TMEM117: variants seen among roughly 807,000 people sequenced by gnomAD.
TMEM117 encodes the protein transmembrane protein 117.
A neutral mutation model predicts 52.4 loss-of-function variants in TMEM117; 27 were observed. The observed-to-expected ratio is 0.51, with a 90% confidence interval of 0.38 to 0.71. The LOEUF (loss-of-function observed/expected upper bound fraction) is 0.71. Ranked by LOEUF, TMEM117 falls within the 30% of genes least tolerant of loss-of-function variation. The probability of loss-of-function intolerance (pLI) is 0.00; values close to 1 mark genes in which losing one functional copy is unlikely to be tolerated. For synonymous variants in TMEM117, 215 were observed against 206.3 expected, an observed-to-expected ratio of 1.04 and a Z score of -0.36; for missense variants, 556 against 630.5, an observed-to-expected ratio of 0.88 and a Z score of 1.26.
chr12:44,313,798 C>A (rs1016997969), intron 6 of TMEM117, among the ~76,000 whole-genome samples: 17 of 151,920 alleles, frequency 1.1e-4, no homozygotes, highest in African/African-American at 3.4e-4. Context: ...TTTTGTAGTT[C>A]TCCTTGTAGA....
At chr12:44,148,465 G>A (rs987702133) in intron 4 of TMEM117, among the ~76,000 whole-genome samples, 1 of 152,068 alleles carries the variant, frequency 6.6e-6, no homozygotes, top group Admixed American at 6.5e-5. Flanking sequence ...TAGAAAAAAG[G>A]TATTTTTTAG....
intron 3 of TMEM117, among the ~76,000 whole-genome samples, chr12:44,085,099 A>G (rs570497523): frequency 3.3e-5 from 5 of 152,334 alleles, no homozygotes; most frequent in African/African-American, 4.8e-5. Flanking sequence ...CACATTTGGC[A>G]TCATCCATGT....
chr12:43,831,441 T>C (rs1312019318), upstream of TMEM117, among the ~76,000 whole-genome samples: 1 of 152,072 alleles, frequency 6.6e-6, no homozygotes, highest in African/African-American at 2.4e-5. Context: ...AGCATTGATC[T>C]TGTCTTTTTC....
chr12:44,319,223 C>A (rs1223445402), intron 6 of TMEM117, among the ~76,000 whole-genome samples: 1 of 152,184 alleles, frequency 6.6e-6, no homozygotes, highest in Admixed American at 6.5e-5. Context: ...TTTGTATGCA[C>A]CTGGATTAAA....
At chr12:44,155,715 T>A (rs1565852238) in intron 4 of TMEM117, among the ~76,000 whole-genome samples, 1 of 152,082 alleles carries the variant, frequency 6.6e-6, no homozygotes, top group African/African-American at 2.4e-5. Flanking sequence ...GTGTTTCTTG[T>A]AAAGAAGCAT....
At chr12:44,143,811 G>A (rs1355352533) in intron 4 of TMEM117, among the ~76,000 whole-genome samples, 187 bp downstream of exon 4, 1 of 152,034 alleles carries the variant, frequency 6.6e-6, no homozygotes, top group Non-Finnish European at 1.5e-5. Flanking sequence ...AAAAATCAAT[G>A]CAATTAGAAT....
At chr12:43,941,204 G>T (rs551045077) in intron 2 of TMEM117, among the ~76,000 whole-genome samples, 1 of 152,152 alleles carries the variant, frequency 6.6e-6, no homozygotes, top group East Asian at 1.9e-4. Context: ...CATGTTTTTG[G>T]CCATGTCAGA....
chr12:43,984,807 A>G (rs911391965), intron 3 of TMEM117, among the ~76,000 whole-genome samples: 2 of 152,212 alleles, frequency 1.3e-5, no homozygotes, highest in African/African-American at 2.4e-5. Flanking sequence ...GTCTTCAGTC[A>G]TGCAAAATGG....
chr12:44,211,080 C>T (rs1052088961), intron 4 of TMEM117, among the ~76,000 whole-genome samples: 1 of 152,076 alleles, frequency 6.6e-6, no homozygotes, highest in African/African-American at 2.4e-5. Flanking sequence ...TGTTGAATGA[C>T]TTTAAATGTG....
At chr12:44,055,520 G>A (rs1444659965) in intron 3 of TMEM117, among the ~76,000 whole-genome samples, 1 of 152,122 alleles carries the variant, frequency 6.6e-6, no homozygotes. Flanking sequence ...GTGAATAAAA[G>A]CATGGACTGT....
intron 3 of TMEM117, among the ~76,000 whole-genome samples, chr12:44,047,119 A>G (rs1411423734): frequency 2.0e-5 from 3 of 151,566 alleles, no homozygotes; most frequent in East Asian, 1.9e-4. Flanking sequence ...TTTAGTGTAT[A>G]TATGTGTGTG....
intron 3 of TMEM117, among the ~76,000 whole-genome samples, chr12:43,996,050 G>A (rs765111114): frequency 2.6e-5 from 4 of 151,846 alleles, no homozygotes; most frequent in Non-Finnish European, 5.9e-5. Flanking sequence ...AACAAATATA[G>A]GTAATGTTAA....
At chr12:44,315,447 G>A (rs1422595222) in intron 6 of TMEM117, among the ~76,000 whole-genome samples, 2 of 152,142 alleles carry the variant, frequency 1.3e-5, no homozygotes, top group Non-Finnish European at 2.9e-5. Flanking sequence ...TTGCTATGTT[G>A]TGTTGACTGT....
chr12:44,243,384 A>G (rs1950088188), intron 5 of TMEM117, among the ~76,000 whole-genome samples: 1 of 151,950 alleles, frequency 6.6e-6, no homozygotes, highest in South Asian at 2.1e-4. Context: ...TTAGAAAGCT[A>G]TACCTGAGAG....
At chr12:43,839,190 T>G (rs1011904361) in intron 1 of TMEM117, among the ~76,000 whole-genome samples, 2 of 152,180 alleles carry the variant, frequency 1.3e-5, no homozygotes, top group Non-Finnish European at 2.9e-5. Context: ...GCTTCCTCAG[T>G]AGCTTCCCTG....
intron 3 of TMEM117, chr12:44,008,509 G>GT (rs1946237957): frequency 6.1e-6 from 1 of 164,898 alleles, no homozygotes; most frequent in African/African-American, 2.4e-5. Flanking sequence ...TTTCTGAAGC[G>GT]TAAGATCTAT....
rs1293650748 is a variant in TMEM117, at chr12:44,379,294, T to G, written c.898+2570T>G. Among the ~76,000 whole-genome samples, 3 of 151,960 alleles carry G rather than the reference T, an allele frequency of 2.0e-5. No homozygotes were observed. In the East Asian group the frequency reaches 5.8e-4, roughly 29 times the overall value. ...TTTCTTGAGCCCAGGAGGTCAAGGC[T>G]GCAGTGAGCCATGATGGCACCACTG... On this transcript the variant is annotated intron_variant, in intron 7 of 7. Coordinates refer to ENST00000266534, the MANE Select transcript of TMEM117 (RefSeq NM_032256.3).
At chr12:44,354,054 A>T (rs1951606758) in intron 6 of TMEM117, among the ~76,000 whole-genome samples, 1 of 152,074 alleles carries the variant, frequency 6.6e-6, no homozygotes, top group Non-Finnish European at 1.5e-5. Context: ...ATTCTCTTTG[A>T]AGCAATTGTG....
chr12:44,363,550 T>A (rs1340922272), intron 6 of TMEM117, among the ~76,000 whole-genome samples: 9 of 152,206 alleles, frequency 5.9e-5, no homozygotes, highest in Admixed American at 5.9e-4. Context: ...AACTACTGAC[T>A]TGAAAAAGAA....
Sources: gnomAD v4.1 joint callset for allele counts (sites outside exome capture counted in the v4.1 genomes callset) on GRCh38, gnomAD v4.1.1 for gene constraint, MANE v1.5 for transcripts, NCBI Gene and HGNC (gene_info 2026-07-23, HGNC 2026-07-21) for gene names.